The following PRKG1 variants were observed in gnomAD, a reference collection of about 807,000 sequenced individuals.
PRKG1 encodes protein kinase cGMP-dependent 1, also known as cGMP-dependent protein kinase 1.
A neutral mutation model predicts 88.1 loss-of-function variants in PRKG1; 35 were observed. The ratio of observed to expected loss-of-function variants is 0.40; its 90% CI spans 0.30 to 0.53. The LOEUF is 0.53. Among genes scored for constraint, PRKG1 ranks in the 20% least tolerant of loss-of-function variants. PRKG1 has a pLI of 0.59. For synonymous variants in PRKG1, 303 were observed against 292.5 expected, an observed-to-expected ratio of 1.04 and a Z score of -0.37; for missense variants, 540 against 839.8, an observed-to-expected ratio of 0.64 and a Z score of 4.41.
chr10:52,023,014 C>G (rs1050906207), intron 5 of PRKG1, among the ~76,000 whole-genome samples: 1 of 151,880 alleles, frequency 6.6e-6, no homozygotes, highest in Non-Finnish European at 1.5e-5. Flanking sequence ...TTTGCTGTAC[C>G]CATCAACCCG....
rs569860453 is a variant in PRKG1 at position 51,581,213 on chromosome 10, T to C, written c.592+113377T>C. Among the ~76,000 whole-genome samples, 143 of 152,292 alleles carry C rather than the reference T, an allele frequency of 9.4e-4. 2 individuals are homozygous for C. In the Middle Eastern group the frequency reaches 0.01, roughly 11 times the overall value. ...AGTATACAGAGATAAGAATTTACAA[T>C]ATAGTGTGTGCATCAGTAATTTCCA... On this transcript the variant is annotated intron_variant, in intron 3 of 17. Transcript: ENST00000373980.
chr10:51,945,323 T>A (rs1843001358), intron 5 of PRKG1, among the ~76,000 whole-genome samples: 1 of 151,398 alleles, frequency 6.6e-6, no homozygotes, highest in African/African-American at 2.4e-5. Context: ...TCTTCCTCCA[T>A]CCTTTTATTT....
intron 1 of PRKG1, among the ~76,000 whole-genome samples, chr10:51,078,200 A>G (rs1055821833): frequency 3.4e-5 from 5 of 149,002 alleles, no homozygotes; most frequent in South Asian, 2.1e-4. Context: ...TCCATGTTCT[A>G]TTTTGTTTCC....
At chr10:51,104,831 G>A (rs1462028152) in intron 1 of PRKG1, among the ~76,000 whole-genome samples, 1 of 151,924 alleles carries the variant, frequency 6.6e-6, no homozygotes, top group Non-Finnish European at 1.5e-5. Context: ...CAGGGTTCAA[G>A]TGATTCTCCT....
chr10:51,734,039 T>A (rs1375040557), intron 3 of PRKG1, among the ~76,000 whole-genome samples: 1 of 152,172 alleles, frequency 6.6e-6, no homozygotes, highest in East Asian at 1.9e-4. Context: ...GTTCTTGTGA[T>A]CACCTTTTTA....
intron 7 of PRKG1, among the ~76,000 whole-genome samples, chr10:52,101,092 C>T (rs1847283187): frequency 6.6e-6 from 1 of 152,130 alleles, no homozygotes; most frequent in Non-Finnish European, 1.5e-5. Context: ...GTCTCCTTAG[C>T]TTACTTTTAA....
chr10:51,968,820 C>CAAAAAAA (rs56810665), intron 5 of PRKG1, among the ~76,000 whole-genome samples: 29 of 105,156 alleles, frequency 2.8e-4, no homozygotes, highest in Admixed American at 6.0e-4. Flanking sequence ...AAAACTCCAT[C>CAAAAAAA]AAAAAAAAAA....
chr10:52,122,653 A>G (rs1448352097), intron 7 of PRKG1, among the ~76,000 whole-genome samples: 2 of 152,262 alleles, frequency 1.3e-5, no homozygotes, highest in Non-Finnish European at 2.9e-5. Flanking sequence ...CATTCTTTAA[A>G]TTTGTAAGGC....
intron 14 of PRKG1, among the ~76,000 whole-genome samples, chr10:52,286,142 A>T (rs1216004985): frequency 2.0e-5 from 3 of 152,110 alleles, no homozygotes; most frequent in Admixed American, 6.6e-5. Context: ...GAATTAATGA[A>T]TTAAATTCAT....
At chr10:51,294,853 A>G (rs531701205) in intron 2 of PRKG1, among the ~76,000 whole-genome samples, 5 of 152,166 alleles carry the variant, frequency 3.3e-5, no homozygotes, top group Non-Finnish European at 7.4e-5. Context: ...CAGGAGGATC[A>G]CTTGAGGCAA....
At chr10:51,208,253 A>T (rs1838114902) in intron 2 of PRKG1, among the ~76,000 whole-genome samples, 1 of 152,272 alleles carries the variant, frequency 6.6e-6, no homozygotes, top group East Asian at 1.9e-4. Context: ...TGATGAAAGA[A>T]TAATAAGAAC....
At chr10:51,577,135 TATC>T (rs1397523239) in intron 3 of PRKG1, among the ~76,000 whole-genome samples, 1 of 152,030 alleles carries the variant, frequency 6.6e-6, no homozygotes, top group Non-Finnish European at 1.5e-5. Flanking sequence ...AAAGTCACTT[TATC>T]TAAAAGCTTT....
intron 1 of PRKG1, among the ~76,000 whole-genome samples, chr10:51,124,848 G>A (rs1405946382): frequency 6.6e-6 from 1 of 152,038 alleles, no homozygotes; most frequent in Non-Finnish European, 1.5e-5. Context: ...TGAACTCTTG[G>A]GCAAAACTAC....
intron 1 of PRKG1, among the ~76,000 whole-genome samples, chr10:51,044,751 A>G (rs1843466477): frequency 6.6e-6 from 1 of 152,120 alleles, no homozygotes. Flanking sequence ...GGAGAGTGAT[A>G]GGAGCCCTTC....
intron 3 of PRKG1, among the ~76,000 whole-genome samples, chr10:51,615,945 C>T (rs12415586): frequency 6.6e-6 from 1 of 152,102 alleles, no homozygotes; most frequent in Non-Finnish European, 1.5e-5. Flanking sequence ...ATAGTCACTT[C>T]CTCCCATTTT....
At chr10:51,156,238 A>G (rs559522694) in intron 2 of PRKG1, among the ~76,000 whole-genome samples, 1 of 150,364 alleles carries the variant, frequency 6.7e-6, no homozygotes, top group Non-Finnish European at 1.5e-5. Flanking sequence ...AAGTCAATAC[A>G]TCTTATGCTG....
chr10:51,646,110 A>C (rs895261951), intron 3 of PRKG1, among the ~76,000 whole-genome samples: 3 of 152,152 alleles, frequency 2.0e-5, no homozygotes, highest in South Asian at 2.1e-4. Context: ...CTATTCAGCC[A>C]CAGAAAAAAA....
chr10:52,028,469 T>C (rs898133383), intron 5 of PRKG1, among the ~76,000 whole-genome samples: 2 of 152,192 alleles, frequency 1.3e-5, no homozygotes, highest in African/African-American at 4.8e-5. Flanking sequence ...ATATACTATT[T>C]CTGTAAAATA....
chr10:51,585,393 C>T (rs552191840), intron 3 of PRKG1, among the ~76,000 whole-genome samples: 100 of 152,100 alleles, frequency 6.6e-4, no homozygotes, highest in Non-Finnish European at 6.3e-4. Flanking sequence ...TCCCATATGA[C>T]GTTACACTTT....
Sources: gnomAD v4.1 joint callset for allele counts (sites outside exome capture counted in the v4.1 genomes callset) on GRCh38, gnomAD v4.1.1 for gene constraint, MANE v1.5 for transcripts, NCBI Gene and HGNC (gene_info 2026-07-23, HGNC 2026-07-21) for gene names.